Variants in CEP85L observed in about 807,000 individuals in gnomAD.
CEP85L encodes the protein centrosomal protein 85L.
CEP85L carries 60 observed loss-of-function variants against 100.3 expected under a neutral mutation model. The ratio of observed to expected loss-of-function variants is 0.60; its 90% CI spans 0.49 to 0.74. The LOEUF is 0.74. Among genes scored for constraint, CEP85L ranks in the 30% least tolerant of loss-of-function variants. CEP85L has a pLI of 0.00. For missense variants in CEP85L, 973 were observed against 936.2 expected (o/e 1.04, Z -0.51); for synonymous variants, 319 against 322.7 (o/e 0.99, Z 0.12).
chr6:118,470,565 A>G lies in CEP85L; in HGVS notation c.1994T>C (p.Val665Ala). 2 of 1,604,416 alleles carry G rather than the reference A, an allele frequency of 1.2e-6. No individual in the cohort carries two copies. Among genetic ancestry groups the G allele is most frequent in the Non-Finnish European group, 1.7e-6 (2 of 1,175,040 alleles). ...AAGCAATGCTTTTGTTAATCTCTGT[A>G]CATTTCTTTCTTTCTTTTCCAGCTC... is the stretch of plus-strand genomic sequence containing the variant. Reference protein sequence around the residue: ...MEELEKKERNVQRLTKALLEN... With the variant: ...MEELEKKERNAQRLTKALLEN... Residue 665 changes from valine (V) to alanine (A), a missense_variant, in exon 11 of 13, where the codon GTA becomes GCA. Val to Ala is a moderately conservative substitution (Grantham distance 64). Coordinates refer to ENST00000368491, the MANE Select transcript of CEP85L (RefSeq NM_001042475.3).
At chr6:118,547,514 G>A (rs1309498137) in intron 3 of CEP85L, among the ~76,000 whole-genome samples, 1 of 151,900 alleles carries the variant, frequency 6.6e-6, no homozygotes, top group Non-Finnish European at 1.5e-5. Flanking sequence ...CCTTAATACT[G>A]CATCAGTTTA....
At chr6:118,681,921 A>T (rs1029192184) in intron 1 of CEP85L, among the ~76,000 whole-genome samples, 1 of 151,836 alleles carries the variant, frequency 6.6e-6, no homozygotes, top group Non-Finnish European at 1.5e-5. Flanking sequence ...TTGTATTTTT[A>T]GTAGAGACGG....
chr6:118,514,524 CAAA>C (rs561316113), intron 4 of CEP85L, among the ~76,000 whole-genome samples: 1 of 87,520 alleles, frequency 1.1e-5, no homozygotes, highest in Admixed American at 1.4e-4. Context: ...GACACTGTCT[CAAA>C]AAAAAAAAAA....
intron 1 of CEP85L, among the ~76,000 whole-genome samples, chr6:118,687,927 C>A (rs1013418926): frequency 1.3e-5 from 2 of 152,162 alleles, no homozygotes; most frequent in African/African-American, 4.8e-5. Context: ...TCAAGCTGAA[C>A]ACTAGTCACT....
At chr6:118,470,382 T>A (rs1201054058) in intron 11 of CEP85L, among the ~76,000 whole-genome samples, 155 bp downstream of exon 11, 1 of 152,070 alleles carries the variant, frequency 6.6e-6, no homozygotes, top group Non-Finnish European at 1.5e-5. Context: ...TAAAGGTTTG[T>A]CTTTTTATAA....
intron 10 of CEP85L, among the ~76,000 whole-genome samples, chr6:118,477,498 T>C: frequency 6.6e-6 from 1 of 152,150 alleles, no homozygotes; most frequent in East Asian, 1.9e-4. Flanking sequence ...TATGAAACAA[T>C]GCCCTATTTT....
In CEP85L at chr6:118,665,298, A is replaced by G. The variant is rs574637814; in HGVS notation, c.-27-12490T>C. Among the ~76,000 whole-genome samples the G allele has an allele frequency of 1.3e-4, 20 of 152,320 alleles. No individual in the cohort carries two copies. In the South Asian group the frequency reaches 4.1e-3, roughly 32 times the overall value. On this transcript the variant is annotated intron_variant, in intron 1 of 13. Coordinates refer to the CEP85L transcript ENST00000368488. The stretch of plus-strand genomic sequence containing the variant: ...CAACAAGATGATAGGTGTGTCATTT[A>G]TCAAATGATTACTTGTGCTAGAAGT...
intron 2 of CEP85L, among the ~76,000 whole-genome samples, chr6:118,617,039 T>C (rs1243038128): frequency 6.6e-6 from 1 of 151,420 alleles, no homozygotes; most frequent in Non-Finnish European, 1.5e-5. Context: ...CTCTAAAAAA[T>C]AAAAATAAAA....
intron 2 of CEP85L, among the ~76,000 whole-genome samples, chr6:118,572,256 C>A: frequency 8.1e-6 from 1 of 122,922 alleles, no homozygotes. Context: ...TGTTATGCCA[C>A]ATGTAACCCA....
At chr6:118,558,759 G>GT (rs1277540298) in intron 3 of CEP85L, 4 of 658,664 alleles carry the variant, frequency 6.1e-6, no homozygotes, top group Non-Finnish European at 1.1e-5. Flanking sequence ...GTGTAAAATT[G>GT]TATTTTTTGT....
chr6:118,517,809 G>A (rs1190190302), intron 4 of CEP85L, among the ~76,000 whole-genome samples: 1 of 152,158 alleles, frequency 6.6e-6, no homozygotes, highest in African/African-American at 2.4e-5. Context: ...TCCTTGTCTT[G>A]TGCCAGTTTT....
intron 3 of CEP85L, among the ~76,000 whole-genome samples, chr6:118,544,064 A>G (rs1167076755): frequency 6.6e-6 from 1 of 152,230 alleles, no homozygotes; most frequent in Non-Finnish European, 1.5e-5. Flanking sequence ...AAAATCAGTG[A>G]TAGTGCCACC....
intron 8 of CEP85L, among the ~76,000 whole-genome samples, chr6:118,481,088 A>G (rs1030217287): frequency 3.9e-5 from 6 of 152,018 alleles, no homozygotes; most frequent in Non-Finnish European, 5.9e-5. Context: ...AAGAGAAGTA[A>G]GTAAATCTGG....
intron 10 of CEP85L, among the ~76,000 whole-genome samples, chr6:118,478,260 G>T (rs535321494): frequency 1.3e-5 from 2 of 152,088 alleles, no homozygotes; most frequent in South Asian, 4.1e-4. Flanking sequence ...TTAGAAAAAG[G>T]TCACCAAAAA....
At chr6:118,481,592 CAAAAGCTG>C (rs1319758151) in intron 8 of CEP85L, among the ~76,000 whole-genome samples, 179 bp downstream of exon 8, 1 of 151,944 alleles carries the variant, frequency 6.6e-6, no homozygotes, top group Non-Finnish European at 1.5e-5. Context: ...GCAAATATTC[CAAAAGCTG>C]AAAAAAATCT....
intron 1 of CEP85L, among the ~76,000 whole-genome samples, chr6:118,634,788 A>C (rs1325671016): frequency 1.3e-5 from 2 of 152,186 alleles, no homozygotes; most frequent in Non-Finnish European, 2.9e-5. Flanking sequence ...AACTATTATC[A>C]AAAATGGCAA....
chr6:118,602,519 A>G (rs1160820376), intron 2 of CEP85L, among the ~76,000 whole-genome samples: 1 of 152,228 alleles, frequency 6.6e-6, no homozygotes, highest in Non-Finnish European at 1.5e-5. Context: ...AGCAACAGTC[A>G]GAGATCACCT....
At chr6:118,651,609 A>T (rs1775568136), upstream of CEP85L, 1 of 1,025,560 alleles carries the variant, frequency 9.8e-7, no homozygotes, top group Middle Eastern at 4.7e-4. Flanking sequence ...CTCCGCCGGC[A>T]GAGCCAGAGC....
chr6:118,581,162 A>G (rs920742366), intron 2 of CEP85L, among the ~76,000 whole-genome samples: 1 of 152,210 alleles, frequency 6.6e-6, no homozygotes, highest in Non-Finnish European at 1.5e-5. Context: ...AATGTCTTCC[A>G]TAGCCAAATT....
Sources: gnomAD v4.1 joint callset for allele counts (sites outside exome capture counted in the v4.1 genomes callset) on GRCh38, gnomAD v4.1.1 for gene constraint, MANE v1.5 for transcripts, NCBI Gene and HGNC (gene_info 2026-07-23, HGNC 2026-07-21) for gene names.